Variants in CDK13 observed in about 807,000 individuals in gnomAD.
The protein encoded by CDK13 is cyclin dependent kinase 13, also known as cyclin-dependent kinase 13.
Under a neutral mutation model 137.6 loss-of-function variants are expected in CDK13, and 40 were observed. The observed-to-expected ratio is 0.29, with a 90% CI of 0.23 to 0.38. The LOEUF (loss-of-function observed/expected upper bound fraction) is 0.38, where lower values mean the gene tolerates loss of function less well. CDK13 is among the 10% of genes least tolerant of loss of function. CDK13 has a pLI of 1.00. For missense variants in CDK13, 1,704 were observed against 1,951.8 expected, an observed-to-expected ratio of 0.87 and a Z score of 2.39; for synonymous variants, 869 against 760.1, an observed-to-expected ratio of 1.14 and a Z score of -2.36.
chr7:39,969,034 G>C (rs1783937513), intron 1 of CDK13, among the ~76,000 whole-genome samples: 1 of 151,976 alleles, frequency 6.6e-6, no homozygotes, highest in African/African-American at 2.4e-5. Flanking sequence ...TGTTTGTTTT[G>C]AGATGGAGCC....
Position 40,095,872 on chromosome 7 carries a change from C to T in CDK13, c.*892C>T, listed in dbSNP as rs17538356. The T allele has an allele frequency of 6.6e-6, 1 of 152,210 alleles. No homozygotes were observed. Among genetic ancestry groups the T allele is most frequent in the Admixed American group, 6.6e-5 (1 of 15,264 alleles). The allele number at this position is 152,210 out of a possible 1,614,324, so 9.4% of individuals were successfully genotyped here. A position where few individuals can be genotyped will look rare whatever the true frequency, so the allele number is the denominator to read the frequency against. ...TGTCTTTGGGCTGTGTTGCCTTTCACTACCACCTTCTCTTGATAGGGGAGT... is the reference window on the plus strand; with the variant it reads ...TGTCTTTGGGCTGTGTTGCCTTTCATTACCACCTTCTCTTGATAGGGGAGT... On this transcript the variant is annotated 3_prime_UTR_variant, in exon 14 of 14. Coordinates refer to ENST00000181839, the MANE Select transcript of CDK13 (RefSeq NM_003718.5).
At chr7:40,011,982 A>G (rs1242539179) in intron 5 of CDK13, among the ~76,000 whole-genome samples, 2 of 152,208 alleles carry the variant, frequency 1.3e-5, no homozygotes, top group Admixed American at 6.5e-5. Context: ...ATCTGAACAT[A>G]TATTTCTCCA....
intron 2 of CDK13, among the ~76,000 whole-genome samples, chr7:39,995,006 A>ATT (rs1410670129): frequency 1.3e-5 from 2 of 151,850 alleles, no homozygotes; most frequent in East Asian, 3.9e-4. Flanking sequence ...AGTTTCCCAT[A>ATT]TTAAAACATG....
chr7:40,027,432 T>TTTTGG (rs1218018810), intron 5 of CDK13, among the ~76,000 whole-genome samples: 1 of 152,194 alleles, frequency 6.6e-6, no homozygotes, highest in Non-Finnish European at 1.5e-5. Context: ...TACTAAATCT[T>TTTTGG]CACAATCCAC....
intron 5 of CDK13, among the ~76,000 whole-genome samples, chr7:40,020,049 A>G (rs1785080105): frequency 6.6e-6 from 1 of 152,170 alleles, no homozygotes; most frequent in Admixed American, 6.5e-5. Flanking sequence ...TAGATTTAAT[A>G]TAAATAATAA....
chr7:39,962,800 A>G (rs1278010754), intron 1 of CDK13, among the ~76,000 whole-genome samples: 3 of 152,170 alleles, frequency 2.0e-5, no homozygotes, highest in African/African-American at 7.2e-5. Context: ...TAATTTTTGT[A>G]TAAGGTGTAA....
At chr7:39,996,737 T>C (rs773398) in intron 2 of CDK13, among the ~76,000 whole-genome samples, 151,070 of 152,104 alleles carry the variant, frequency 0.99, 75,030 homozygotes, top group Non-Finnish European at 1. Context: ...CCAAGGCGGG[T>C]GGATCACTTG....
chr7:39,973,295 C>T (rs757270657), intron 1 of CDK13, among the ~76,000 whole-genome samples: 2 of 152,106 alleles, frequency 1.3e-5, no homozygotes, highest in African/African-American at 4.8e-5. Context: ...CGCCACCACA[C>T]CTGGCTAATT....
chr7:39,996,916 A>ATCT (rs1348711216), intron 2 of CDK13, among the ~76,000 whole-genome samples: 2 of 133,624 alleles, frequency 1.5e-5, no homozygotes, highest in Admixed American at 1.8e-4. Flanking sequence ...GTGAGCCAGG[A>ATCT]TCTTGCCACT....
Position 40,092,382 on chromosome 7 carries a change from GA to G in CDK13, c.3236-402del, listed in dbSNP as rs566881215. 563 of 161,908 alleles carry G rather than the reference GA, an allele frequency of 3.5e-3. 2 individuals are homozygous for G. Among genetic ancestry groups the G allele is most frequent in the Non-Finnish European group, 5.4e-3 (396 of 73,494 alleles). The allele number at this position is 161,908 out of a possible 1,614,324, so 10.0% of individuals were successfully genotyped here. On this transcript the variant is annotated intron_variant, in intron 12 of 13. Transcript: ENST00000181839. ...TCTCAGTAAAAGGAGGCTAATAATA[GA>G]GTCTGCCTTCTAAGGTTGTTGTAAG...
At chr7:40,053,051 T>C (rs577841090) in intron 7 of CDK13, among the ~76,000 whole-genome samples, 2 of 152,326 alleles carry the variant, frequency 1.3e-5, no homozygotes, top group South Asian at 2.1e-4. Flanking sequence ...CATTGACTTT[T>C]AACTGTAAGA....
At chr7:40,030,182 A>T (rs1414783150) in intron 5 of CDK13, among the ~76,000 whole-genome samples, 1 of 152,038 alleles carries the variant, frequency 6.6e-6, no homozygotes, top group Non-Finnish European at 1.5e-5. Flanking sequence ...TTTTCTAGAG[A>T]ACAGAAGTAC....
intron 4 of CDK13, among the ~76,000 whole-genome samples, chr7:39,999,708 G>C (rs917216308): frequency 1.3e-5 from 2 of 152,226 alleles, no homozygotes; most frequent in Middle Eastern, 3.4e-3. Flanking sequence ...ATTTTAAAAA[G>C]TGTTCCTTTA....
Position 39,987,956 on chromosome 7 carries a change from ACCTTCTC to A in CDK13, c.1573_1579del (p.Ser525GlnfsTer6). The A allele has an allele frequency of 6.2e-7, 1 of 1,614,170 alleles. No homozygotes were observed. The highest frequency in any genetic ancestry group is 8.5e-7 in the Non-Finnish European group (1 of 1,180,014). On this transcript the variant is annotated frameshift_variant, in exon 2 of 14. Transcript: ENST00000181839. LOFTEE classifies it high-confidence loss of function. The stretch of plus-strand genomic sequence containing the variant: ...TGAAGAAAATTAAAATTGAACATGC[ACCTTCTC>A]CCTCAAGTGGTGGAACTTTAAAAAA...
At chr7:40,045,581 G>A (rs1175324255) in intron 5 of CDK13, among the ~76,000 whole-genome samples, 1 of 150,964 alleles carries the variant, frequency 6.6e-6, no homozygotes, top group Admixed American at 6.6e-5. Context: ...GAGAACAGCA[G>A]GGTGATTTTT....
intron 12 of CDK13, among the ~76,000 whole-genome samples, chr7:40,089,486 C>G (rs1265220038): frequency 1.3e-5 from 2 of 150,170 alleles, no homozygotes; most frequent in East Asian, 3.9e-4. Flanking sequence ...TTTAGGGAAA[C>G]TTAAATTTCT....
At chr7:40,043,794 C>CTGGGTG (rs1785668900) in intron 5 of CDK13, among the ~76,000 whole-genome samples, 1 of 150,106 alleles carries the variant, frequency 6.7e-6, no homozygotes, top group African/African-American at 2.5e-5. Context: ...TGCCACTGTA[C>CTGGGTG]TCCAGTCTGG....
intron 3 of CDK13, chr7:39,997,920 G>C: frequency 2.9e-6 from 1 of 341,856 alleles, no homozygotes; most frequent in East Asian, 7.3e-5. Context: ...ATATGTTAAA[G>C]ATACTTTCTG....
At chr7:39,968,190 C>A (rs1313993691) in intron 1 of CDK13, among the ~76,000 whole-genome samples, 1 of 152,158 alleles carries the variant, frequency 6.6e-6, no homozygotes, top group East Asian at 1.9e-4. Flanking sequence ...CAGGTTGTCA[C>A]TTTACTTCAT....
Sources: allele counts gnomAD v4.1 joint callset (sites outside exome capture counted in the v4.1 genomes callset), GRCh38; gene constraint gnomAD v4.1.1; transcripts MANE v1.5; gene names NCBI Gene and HGNC (gene_info 2026-07-23, HGNC 2026-07-21).